The following MED13 variants were observed in gnomAD, a reference collection of about 807,000 sequenced individuals.
MED13 encodes the protein mediator complex subunit 13.
Under a neutral mutation model 225.2 loss-of-function variants are expected in MED13, and 23 were observed. The ratio of observed to expected loss-of-function variants is 0.10; its 90% CI spans 0.07 to 0.14. The LOEUF is 0.14. Ranked by LOEUF, MED13 falls within the 10% of genes least tolerant of loss-of-function variation. The pLI is 1.00. For missense variants in MED13, 2,197 were observed against 2,594.5 expected, an observed-to-expected ratio of 0.85 and a Z score of 3.33; for synonymous variants, 942 against 889.2, an observed-to-expected ratio of 1.06 and a Z score of -1.06.
At chr17:61,990,449 T>C (rs1007236809) in intron 11 of MED13, among the ~76,000 whole-genome samples, 1 of 152,082 alleles carries the variant, frequency 6.6e-6, no homozygotes, top group Non-Finnish European at 1.5e-5. Flanking sequence ...CCAGTCTCCA[T>C]TGTTTAAATT....
chr17:62,000,874 T>C (rs1375074578), intron 9 of MED13, among the ~76,000 whole-genome samples: 4 of 152,166 alleles, frequency 2.6e-5, no homozygotes, highest in South Asian at 4.1e-4. Context: ...GCGATTCTCC[T>C]ACCTCAGCCT....
intron 2 of MED13, among the ~76,000 whole-genome samples, chr17:62,057,282 C>T (rs2081003078): frequency 6.6e-6 from 1 of 152,080 alleles, no homozygotes; most frequent in Non-Finnish European, 1.5e-5. Context: ...ATAACCTATA[C>T]ATTCAACAAA....
intron 26 of MED13, among the ~76,000 whole-genome samples, chr17:61,954,267 G>A (rs2079922241): frequency 6.6e-6 from 1 of 152,090 alleles, no homozygotes. Context: ...AGGTAGCTCA[G>A]AATAACAATA....
intron 28 of MED13, among the ~76,000 whole-genome samples, chr17:61,950,346 A>C (rs1257399104): frequency 1.3e-5 from 2 of 152,078 alleles, no homozygotes; most frequent in African/African-American, 4.8e-5. Flanking sequence ...AGTTTGACTT[A>C]GGAATAAAGT....
intron 3 of MED13, among the ~76,000 whole-genome samples, chr17:62,035,903 G>C (rs2080799043): frequency 6.6e-6 from 1 of 151,994 alleles, no homozygotes; most frequent in African/African-American, 2.4e-5. Flanking sequence ...AGAAGAGTAG[G>C]TTTATTGGAA....
chr17:62,033,875 G>A lies in MED13; in HGVS notation c.726C>T (p.Ile242=). 1 of 1,614,006 alleles carries A rather than the reference G, an allele frequency of 6.2e-7. No individual in the cohort carries two copies. Among genetic ancestry groups the A allele is most frequent in the Non-Finnish European group, 8.5e-7 (1 of 1,179,970 alleles). ...LIGEWKQFYP[I]SCCLKEMSEE... is the part of the protein sequence containing the mutation. ...CAGACATCTCCTTCAAGCAACATGA[G>A]ATAGGATAGAACTGTTTCCATTCAC... Residue 242 remains isoleucine, a synonymous_variant, in exon 5 of 30, where the codon ATC becomes ATT. Coordinates refer to ENST00000397786, the MANE Select transcript of MED13 (RefSeq NM_005121.3).
At chr17:62,002,385 A>G (rs2143548119) in intron 9 of MED13, among the ~76,000 whole-genome samples, 1 of 150,066 alleles carries the variant, frequency 6.7e-6, no homozygotes, top group East Asian at 2.0e-4. Context: ...GCTACTCGGG[A>G]GGCCAAGGCA....
In MED13 at chr17:61,993,291, T is replaced by C. The variant is rs1168501120; in HGVS notation, c.2182-670A>G. ...ATCTTGGCTCACTGCAACCTCCCCC[T>C]CCTGGGTTCAAGAGATTCTCCCGCC... On this transcript the variant is annotated intron_variant, in intron 10 of 29. Coordinates refer to ENST00000397786, the MANE Select transcript of MED13 (RefSeq NM_005121.3). 5.2e-5 allele frequency among the ~76,000 whole-genome samples: 7 copies of C among 134,334 alleles called. No individual in the cohort carries two copies. In the Admixed American group the frequency reaches 5.7e-4, roughly 11 times the overall value. The allele number at this position is 134,334 out of a possible 152,430, so 88.1% of individuals were successfully genotyped here.
At chr17:61,999,212 T>G (rs2080372751) in intron 9 of MED13, among the ~76,000 whole-genome samples, 1 of 152,018 alleles carries the variant, frequency 6.6e-6, no homozygotes, top group Non-Finnish European at 1.5e-5. Flanking sequence ...AACATAGGAG[T>G]TAATTCTATT....
rs890393330 is a variant in MED13, at chr17:62,049,078, C to CAAAAAAAAAAAAAAAAAAAAAAAAAAAA, written c.470+3458_470+3459insTTTTTTTTTTTTTTTTTTTTTTTTTTTT. Among the ~76,000 whole-genome samples, 10 of 45,312 alleles carry CAAAAAAAAAAAAAAAAAAAAAAAAAAAA rather than the reference C, an allele frequency of 2.2e-4. 1 individual carries two copies. Among genetic ancestry groups the CAAAAAAAAAAAAAAAAAAAAAAAAAAAA allele is most frequent in the East Asian group, 8.3e-4 (1 of 1,210 alleles). 29.7% of individuals were successfully genotyped at this position (45,312 alleles called of 152,430 possible). The stretch of plus-strand genomic sequence containing the variant: ...GGCACCACCATAACAGTAAATAAGA[C>CAAAAAAAAAAAAAAAAAAAAAAAAAAAA]AAAAAAAAAAAAAAAAAGGAGAAAT... On this transcript the variant is annotated intron_variant, in intron 3 of 29. Coordinates refer to ENST00000397786, the MANE Select transcript of MED13 (RefSeq NM_005121.3).
At chr17:62,001,019 C>T (rs2080390061) in intron 9 of MED13, among the ~76,000 whole-genome samples, 2 of 152,168 alleles carry the variant, frequency 1.3e-5, no homozygotes, top group Non-Finnish European at 2.9e-5. Context: ...ACCTCGGCCT[C>T]CCAAAGTGCT....
chr17:61,972,882 C>T lies in MED13; in HGVS notation c.3812G>A (p.Ser1271Asn). ...AAGTATATCCTGTGAGCACTGCATA[C>T]TCACATCTACAAGCATTTTAAAAAA... Reference protein sequence around the residue: ...LHPWSKRNDVSMQCSQDILRM... With the variant: ...LHPWSKRNDVNMQCSQDILRM... Residue 1271 changes from serine (S) to asparagine (N), a missense_variant, in exon 17 of 30, where the codon AGT (serine) becomes AAT (asparagine). Transcript: ENST00000397786. 2 of 1,583,926 alleles carry T rather than the reference C, an allele frequency of 1.3e-6. No homozygotes were observed. The highest frequency in any genetic ancestry group is 8.5e-7 in the Non-Finnish European group (1 of 1,171,192).
At chr17:62,050,463 A>G (rs1261273098) in intron 3 of MED13, among the ~76,000 whole-genome samples, 1 of 152,126 alleles carries the variant, frequency 6.6e-6, no homozygotes, top group East Asian at 1.9e-4. Context: ...CTCTCAATAG[A>G]AAGTCAATAG....
At chr17:61,961,457 T>G in intron 22 of MED13, 131 bp downstream of exon 22, 1 of 784,744 alleles carries the variant, frequency 1.3e-6, no homozygotes, top group Non-Finnish European at 1.9e-6. Context: ...GAGGCAGAGG[T>G]TGTGGTGAGC....
rs190269501 is a variant in MED13 at position 62,010,858 on chromosome 17, T to C, written c.1659A>G (p.Ser553=). 3.0e-5 allele frequency: 48 copies of C among 1,614,266 alleles called. No individual in the cohort carries two copies. The East Asian group carries it at 3.3e-4, about 11-fold the overall frequency. ...VVDEGVTKTP[S]TPQSQHFYQM... ...GATAAAAATGTTGACTCTGAGGAGT[T>C]GAAGGTGTTTTAGTCACTCCTTCAT... The change falls in exon 9 of 30, where the codon TCA becomes TCG. Residue 553 remains serine (S), a synonymous_variant. Transcript: ENST00000397786.
chr17:61,968,476 C>T (rs1433704233), intron 17 of MED13, among the ~76,000 whole-genome samples: 2 of 152,146 alleles, frequency 1.3e-5, no homozygotes, highest in African/African-American at 4.8e-5. Flanking sequence ...CAAGTGCCTG[C>T]CACCACGCCT....
chr17:62,011,738 G>A (rs1015758992), intron 8 of MED13, among the ~76,000 whole-genome samples: 1 of 152,210 alleles, frequency 6.6e-6, no homozygotes, highest in Non-Finnish European at 1.5e-5. Context: ...GAAAGTGCTA[G>A]AATTGACTGA....
At chr17:61,946,675 C>T in intron 29 of MED13, 75 bp from the exon 30 acceptor site, 3 of 1,538,344 alleles carry the variant, frequency 2.0e-6, no homozygotes, top group Non-Finnish European at 2.7e-6. Flanking sequence ...TCAATTATGG[C>T]ATTTAAGACT....
chr17:62,050,207 A>G (rs1276646277), intron 3 of MED13, among the ~76,000 whole-genome samples: 1 of 151,744 alleles, frequency 6.6e-6, no homozygotes, highest in Non-Finnish European at 1.5e-5. Flanking sequence ...AAAACACAAA[A>G]ATTAGCTGGG....
Sources: gnomAD v4.1 joint callset for allele counts (sites outside exome capture counted in the v4.1 genomes callset) on GRCh38, gnomAD v4.1.1 for gene constraint, MANE v1.5 for transcripts, NCBI Gene and HGNC (gene_info 2026-07-23, HGNC 2026-07-21) for gene names.